Variants in DSCAM observed in about 807,000 individuals in gnomAD.
DSCAM encodes cell adhesion molecule DSCAM.
Under a neutral mutation model 217.7 loss-of-function variants are expected in DSCAM, and 47 were observed. That is an observed-to-expected ratio of 0.22 (90% CI 0.17 to 0.28). DSCAM has a LOEUF of 0.28. DSCAM is among the 10% of genes least tolerant of loss of function. DSCAM has a pLI of 1.00. For synonymous variants in DSCAM, 1,056 were observed against 1,015.3 expected (o/e 1.04, Z -0.76); for missense variants, 2,080 against 2,618.3 (o/e 0.79, Z 4.49).
chr21:40,248,038 T>A (rs1409909122), intron 11 of DSCAM, among the ~76,000 whole-genome samples: 1 of 152,170 alleles, frequency 6.6e-6, no homozygotes, highest in Non-Finnish European at 1.5e-5. Flanking sequence ...GCCTGAGCTG[T>A]CCCTTCGCCC....
intron 3 of DSCAM, chr21:40,385,254 T>G (rs7281126): frequency 5.3e-4 from 81 of 152,236 alleles, no homozygotes; most frequent in African/African-American, 1.9e-3. Context: ...TCTATGTTGA[T>G]ATAAAGAAAT....
chr21:40,626,490 T>G (rs1370508309), intron 3 of DSCAM, among the ~76,000 whole-genome samples: 1 of 152,210 alleles, frequency 6.6e-6, no homozygotes, highest in Non-Finnish European at 1.5e-5. Flanking sequence ...TTCTTAGAAC[T>G]CTTTGGTGAC....
At chr21:40,483,588 G>A (rs1399437698) in intron 3 of DSCAM, among the ~76,000 whole-genome samples, 1 of 151,994 alleles carries the variant, frequency 6.6e-6, no homozygotes, top group Non-Finnish European at 1.5e-5. Context: ...TTATTTTCCT[G>A]TATAACGGAG....
chr21:40,584,725 G>A (rs2076930957), intron 3 of DSCAM, among the ~76,000 whole-genome samples: 1 of 152,244 alleles, frequency 6.6e-6, no homozygotes, highest in Admixed American at 6.5e-5. Context: ...CTCGGTCCAG[G>A]AAGCGCTGTA....
intron 1 of DSCAM, among the ~76,000 whole-genome samples, chr21:40,745,192 A>G (rs1263519949): frequency 6.6e-6 from 1 of 152,154 alleles, no homozygotes; most frequent in Non-Finnish European, 1.5e-5. Flanking sequence ...TCTATATAAT[A>G]GTAGTTCCCC....
chr21:40,512,366 T>C (rs944054809), intron 3 of DSCAM, among the ~76,000 whole-genome samples: 1 of 152,162 alleles, frequency 6.6e-6, no homozygotes, highest in Non-Finnish European at 1.5e-5. Flanking sequence ...GTAGGTTTAC[T>C]CTCCTACTAA....
intron 32 of DSCAM, among the ~76,000 whole-genome samples, chr21:40,041,790 C>A: frequency 6.6e-6 from 1 of 152,112 alleles, no homozygotes; most frequent in Admixed American, 6.5e-5. Flanking sequence ...TATAGTAAGA[C>A]CTCTCCCCTT....
At chr21:40,061,397 T>C (rs193285896) in intron 28 of DSCAM, among the ~76,000 whole-genome samples, 22 of 151,976 alleles carry the variant, frequency 1.4e-4, no homozygotes, top group African/African-American at 4.6e-4. Context: ...GGTGAAACTC[T>C]GTCTCTACTA....
intron 5 of DSCAM, among the ~76,000 whole-genome samples, chr21:40,352,740 G>T (rs1262378546): frequency 6.6e-6 from 1 of 152,106 alleles, no homozygotes; most frequent in Non-Finnish European, 1.5e-5. Flanking sequence ...TCCCTTTTCT[G>T]GCCATGTGAT....
intron 3 of DSCAM, among the ~76,000 whole-genome samples, chr21:40,495,463 G>T (rs2076110697): frequency 6.6e-6 from 1 of 152,074 alleles, no homozygotes; most frequent in African/African-American, 2.4e-5. Flanking sequence ...TGCAGAAAAG[G>T]CTTTTGAGAA....
chr21:40,648,710 C>G (rs1349273396), intron 3 of DSCAM, among the ~76,000 whole-genome samples: 1 of 152,170 alleles, frequency 6.6e-6, no homozygotes, highest in Non-Finnish European at 1.5e-5. Flanking sequence ...TCAGCACACA[C>G]TCTCCATTTT....
intron 12 of DSCAM, 121 bp from the exon 13 acceptor site, chr21:40,188,108 T>TCACACA (rs34374148): frequency 1.5e-5 from 9 of 612,672 alleles, no homozygotes; most frequent in South Asian, 1.2e-4. Context: ...ATAGGTACAC[T>TCACACA]CACACACACA....
chr21:40,225,053 C>T (rs566254188), intron 11 of DSCAM, among the ~76,000 whole-genome samples: 1 of 152,306 alleles, frequency 6.6e-6, no homozygotes, highest in Admixed American at 6.5e-5. Flanking sequence ...GAGGTACACA[C>T]ACCATACACT....
intron 32 of DSCAM, among the ~76,000 whole-genome samples, chr21:40,028,429 C>T (rs12483604): frequency 0.014 from 2,041 of 150,650 alleles, 5 homozygotes; most frequent in African/African-American, 0.047. Context: ...TGGGCAATGG[C>T]GGGCCCCCCT....
chr21:40,736,211 G>A (rs541324107), intron 1 of DSCAM, among the ~76,000 whole-genome samples: 2 of 152,220 alleles, frequency 1.3e-5, no homozygotes, highest in African/African-American at 2.4e-5. Context: ...CTCCCTGGAC[G>A]CATCACCCTC....
chr21:40,219,545 C>T (rs2091272418), intron 11 of DSCAM, among the ~76,000 whole-genome samples: 1 of 152,186 alleles, frequency 6.6e-6, no homozygotes, highest in Non-Finnish European at 1.5e-5. Flanking sequence ...ACTCTTTCTA[C>T]ATAAATATTT....
Position 40,187,273 on chromosome 21 carries a change from A to G in DSCAM, c.2651-14T>C, listed in dbSNP as rs760761150. ...GGTCTGGGGGCTCTGTGCCATCAAC[A>G]GAAAGACTACGAGTTAGTTCAAACA... On this transcript the variant is annotated splice_polypyrimidine_tract_variant and intron_variant, in intron 13 of 32. Transcript: ENST00000400454. 6.2e-7 allele frequency: 1 copy of G among 1,613,528 alleles called. No homozygotes were observed. Among genetic ancestry groups the G allele is most frequent in the Non-Finnish European group, 8.5e-7 (1 of 1,179,690 alleles).
chr21:40,128,156 A>G, intron 19 of DSCAM, among the ~76,000 whole-genome samples: 1 of 150,260 alleles, frequency 6.7e-6, no homozygotes, highest in Non-Finnish European at 1.5e-5. Context: ...TGTCTCCCCC[A>G]CTAGCTTGCA....
At chr21:40,339,672 C>A (rs999542223) in intron 6 of DSCAM, among the ~76,000 whole-genome samples, 7 of 152,166 alleles carry the variant, frequency 4.6e-5, no homozygotes, top group African/African-American at 1.7e-4. Flanking sequence ...TAATACAACT[C>A]AGATGTTCAG....
Sources: allele counts gnomAD v4.1 joint callset (sites outside exome capture counted in the v4.1 genomes callset), GRCh38; gene constraint gnomAD v4.1.1; transcripts MANE v1.5; gene names NCBI Gene and HGNC (gene_info 2026-07-23, HGNC 2026-07-21).